Variants in LRP1B observed in about 807,000 individuals in gnomAD.
LRP1B encodes the protein LDL receptor related protein 1B.
In LRP1B, 217 loss-of-function variants were observed where a neutral mutation model predicts 556.6. The ratio of observed to expected loss-of-function variants is 0.39; its 90% CI spans 0.35 to 0.44. The LOEUF is 0.44. LRP1B is among the 20% of genes least tolerant of loss of function. The pLI is 1.00. For synonymous variants in LRP1B, 2,047 were observed against 1,865.8 expected, an observed-to-expected ratio of 1.10 and a Z score of -2.50; for missense variants, 5,053 against 5,620.8, an observed-to-expected ratio of 0.90 and a Z score of 3.23.
chr2:141,537,047 C>T (rs1685091998), intron 2 of LRP1B, among the ~76,000 whole-genome samples: 1 of 151,820 alleles, frequency 6.6e-6, no homozygotes, highest in Non-Finnish European at 1.5e-5. Flanking sequence ...TCAAAGGAAA[C>T]TAGTAAATGA....
chr2:142,099,077 T>C (rs1283043368), intron 1 of LRP1B, among the ~76,000 whole-genome samples: 2 of 151,850 alleles, frequency 1.3e-5, no homozygotes, highest in African/African-American at 4.8e-5. Flanking sequence ...ATTATTCATA[T>C]AGAATAAAAA....
intron 1 of LRP1B, among the ~76,000 whole-genome samples, chr2:142,126,027 T>C (rs932621724): frequency 6.6e-6 from 1 of 151,874 alleles, no homozygotes; most frequent in Non-Finnish European, 1.5e-5. Flanking sequence ...TTCTGATTAA[T>C]TCATAATGGA....
intron 1 of LRP1B, among the ~76,000 whole-genome samples, chr2:141,886,000 T>C (rs1699099372): frequency 6.6e-6 from 1 of 152,174 alleles, no homozygotes; most frequent in South Asian, 2.1e-4. Flanking sequence ...AAGGGAAAAG[T>C]TGATCTAACA....
chr2:141,239,563 C>T (rs1014338855), intron 5 of LRP1B, among the ~76,000 whole-genome samples: 26 of 151,968 alleles, frequency 1.7e-4, no homozygotes, highest in African/African-American at 6.0e-4. Context: ...GTCTAATCCT[C>T]GAACAGGTGA....
chr2:141,448,816 G>A (rs1380125061), intron 3 of LRP1B, among the ~76,000 whole-genome samples: 2 of 152,202 alleles, frequency 1.3e-5, no homozygotes, highest in African/African-American at 4.8e-5. Flanking sequence ...CTTGCTGGGA[G>A]CTGCAGACTA....
intron 2 of LRP1B, among the ~76,000 whole-genome samples, chr2:141,506,565 C>T (rs762545827): frequency 3.5e-4 from 53 of 151,996 alleles, no homozygotes; most frequent in Non-Finnish European, 1.0e-4. Flanking sequence ...TCCACTGTTA[C>T]ATTACGGGAA....
chr2:142,059,270 T>C (rs1704802900), intron 1 of LRP1B, among the ~76,000 whole-genome samples: 1 of 152,054 alleles, frequency 6.6e-6, no homozygotes, highest in African/African-American at 2.4e-5. Flanking sequence ...ATAATGACAA[T>C]CTGAAATGAG....
chr2:141,820,393 G>A (rs1696713945), intron 1 of LRP1B, among the ~76,000 whole-genome samples: 1 of 152,080 alleles, frequency 6.6e-6, no homozygotes, highest in Admixed American at 6.6e-5. Context: ...AAAAATGCTT[G>A]AACTAGGACA....
chr2:141,429,528 G>A (rs912059270), intron 3 of LRP1B, among the ~76,000 whole-genome samples: 1 of 152,106 alleles, frequency 6.6e-6, no homozygotes, highest in African/African-American at 2.4e-5. Context: ...AAGATGTGCA[G>A]GTTTGTTACA....
rs768100103 is a variant in LRP1B, at chr2:140,325,775, G to C, written c.12327C>G (p.Val4109=). 6.2e-7 allele frequency: 1 copy of C among 1,610,628 alleles called. No homozygotes were observed. Among genetic ancestry groups the C allele is most frequent in the Admixed American group, 1.7e-5 (1 of 59,840 alleles). ...CACTTCACAAACCTTGTTTGCTGCT[G>C]ACAGAGACTACTGAATTAGAGCCAT... ...LYDGSNSVVS[V]SSKQGLLHPH... The change falls in exon 80 of 91, where the codon GTC becomes GTG. Residue 4109 remains valine (V), a synonymous_variant. Coordinates refer to ENST00000389484, the MANE Select transcript of LRP1B (RefSeq NM_018557.3).
At chr2:141,880,230 T>C (rs1002217127) in intron 1 of LRP1B, among the ~76,000 whole-genome samples, 20 of 151,962 alleles carry the variant, frequency 1.3e-4, no homozygotes, top group South Asian at 4.1e-4. Flanking sequence ...AGGGAACTTG[T>C]CTGTCTTAGT....
chr2:142,067,877 G>T (rs183075764), intron 1 of LRP1B, among the ~76,000 whole-genome samples: 2 of 151,608 alleles, frequency 1.3e-5, no homozygotes, highest in Admixed American at 1.3e-4. Flanking sequence ...TTTCCCACTA[G>T]TTCTAAAAAC....
At chr2:140,569,395 A>G (rs1313572952) in intron 43 of LRP1B, among the ~76,000 whole-genome samples, 1 of 151,928 alleles carries the variant, frequency 6.6e-6, no homozygotes, top group African/African-American at 2.4e-5. Context: ...ACAAAACCCA[A>G]AAGTGAGCAT....
intron 3 of LRP1B, among the ~76,000 whole-genome samples, chr2:141,418,434 T>A (rs551117234): frequency 9.0e-4 from 132 of 146,664 alleles, no homozygotes; most frequent in Admixed American, 1.9e-3. Flanking sequence ...AGCACAATAT[T>A]TTTTTTTTTT....
intron 6 of LRP1B, among the ~76,000 whole-genome samples, chr2:141,198,939 A>G (rs891884369): frequency 3.9e-5 from 6 of 152,120 alleles, no homozygotes; most frequent in Non-Finnish European, 7.4e-5. Flanking sequence ...TATATCTGCT[A>G]TTACGCTCCT....
intron 86 of LRP1B, among the ~76,000 whole-genome samples, chr2:140,268,211 C>A (rs1225359411): frequency 3.9e-5 from 6 of 151,946 alleles, no homozygotes; most frequent in Non-Finnish European, 8.8e-5. Context: ...GGTATACTAA[C>A]TCTGAAATGT....
chr2:140,640,379 T>C (rs1684241571), intron 41 of LRP1B, among the ~76,000 whole-genome samples: 1 of 109,940 alleles, frequency 9.1e-6, no homozygotes, highest in Non-Finnish European at 1.9e-5. Flanking sequence ...CCTTGTCCTG[T>C]TTTCTTTTTT....
chr2:140,804,485 A>G (rs1452080180), intron 32 of LRP1B, among the ~76,000 whole-genome samples: 1 of 152,060 alleles, frequency 6.6e-6, no homozygotes, highest in Non-Finnish European at 1.5e-5. Context: ...TAGAAAATTC[A>G]TAAAAAGTGT....
intron 27 of LRP1B, among the ~76,000 whole-genome samples, chr2:140,865,644 A>T (rs1199732286): frequency 6.6e-6 from 1 of 152,042 alleles, no homozygotes; most frequent in East Asian, 1.9e-4. Flanking sequence ...TCAAAATTGC[A>T]AACTGACTGA....
Sources: allele counts gnomAD v4.1 joint callset (sites outside exome capture counted in the v4.1 genomes callset), GRCh38; gene constraint gnomAD v4.1.1; transcripts MANE v1.5; gene names NCBI Gene and HGNC (gene_info 2026-07-23, HGNC 2026-07-21).